The following KRR1 variants were observed in gnomAD, a reference collection of about 807,000 sequenced individuals.
KRR1 encodes the protein KRR1 small subunit processome component homolog.
A neutral mutation model predicts 50.0 loss-of-function variants in KRR1; 23 were observed. The ratio of observed to expected loss-of-function variants is 0.46; its 90% CI spans 0.33 to 0.65. KRR1 has a LOEUF of 0.65. Ranked by LOEUF, KRR1 falls within the 30% of genes least tolerant of loss-of-function variation. The pLI is 0.02. For missense variants in KRR1, 419 were observed against 442.4 expected (o/e 0.95, Z 0.47); for synonymous variants, 133 against 146.3 (o/e 0.91, Z 0.66).
intron 9 of KRR1, chr12:75,500,169 TTTATATA>T (rs2046381800): frequency 2.9e-6 from 1 of 346,474 alleles, no homozygotes; most frequent in African/African-American, 2.2e-5. Flanking sequence ...CATAAAATAC[TTTATATA>T]TTAGTACAAG....
Position 75,499,734 on chromosome 12 carries a change from A to G in KRR1, c.*75T>C, listed in dbSNP as rs2046377815. 8.3e-7 allele frequency: 1 copy of G among 1,201,970 alleles called. No homozygotes were observed. The highest frequency in any genetic ancestry group is 1.6e-5 in the African/African-American group (1 of 63,292). 74.5% of individuals were successfully genotyped at this position (1,201,970 alleles called of 1,614,324 possible). ...AAAGCCCTCAGAAAATTTCTCACAA[A>G]TAAGGCAACTAATGCCTGATATCTC... On this transcript the variant is annotated 3_prime_UTR_variant, in exon 10 of 10. Coordinates refer to ENST00000229214, the MANE Select transcript of KRR1 (RefSeq NM_007043.7).
At position 75,491,951 on chromosome 12, in the gene KRR1, C is replaced by T. The variant is rs1336758260; in HGVS notation, c.*7858G>A. On this transcript the variant is annotated 3_prime_UTR_variant, in exon 10 of 10. Transcript: ENST00000229214. ...ACATGCTCGATACTCTGACTGAGTG[C>T]TGTAGGTGTGAAGGAGGAGACAAAG... 6.6e-6 allele frequency: 1 copy of T among 152,088 alleles called. No homozygotes were observed. Among genetic ancestry groups the T allele is most frequent in the Non-Finnish European group, 1.5e-5 (1 of 68,030 alleles). The allele number at this position is 152,088 out of a possible 1,614,324, so 9.4% of individuals were successfully genotyped here. A position where few individuals can be genotyped will look rare whatever the true frequency, so the allele number is the denominator to read the frequency against.
chr12:75,504,028 G>A lies in KRR1; in HGVS notation c.707C>T (p.Ser236Leu). 6.2e-7 allele frequency: 1 copy of A among 1,612,092 alleles called. No homozygotes were observed. Among genetic ancestry groups the A allele is most frequent in the Non-Finnish European group, 8.5e-7 (1 of 1,178,764 alleles). ...TGGCAAAAATCTCTCCCAACTTTGT[G>A]ATCGTAATTCAGAATCTTTTGCCAA... ...RELAKDSELR[S>L]QSWERFLPQF... The change falls in exon 7 of 10, where the codon TCA becomes TTA. Residue 236 changes from serine to leucine, a missense_variant. Coordinates refer to ENST00000229214, the MANE Select transcript of KRR1 (RefSeq NM_007043.7).
rs1326698027 is a variant in KRR1, at chr12:75,494,932, A to G, written c.*4877T>C. ...ATAGGGTTTTTGTGAAGATTATTTC[A>G]TTCAAGGTTGTTTAGAACAAAGACA... On this transcript the variant is annotated 3_prime_UTR_variant, in exon 10 of 10. Coordinates refer to ENST00000229214, the MANE Select transcript of KRR1 (RefSeq NM_007043.7). The G allele has an allele frequency of 1.3e-5, 2 of 152,258 alleles. No individual in the cohort carries two copies. The highest frequency in any genetic ancestry group is 4.8e-5 in the African/African-American group (2 of 41,468). The allele number at this position is 152,258 out of a possible 1,614,324, so 9.4% of individuals were successfully genotyped here. A position where few individuals can be genotyped will look rare whatever the true frequency, so the allele number is the denominator to read the frequency against.
In KRR1 at chr12:75,499,684, A is replaced by G. The variant is rs980252981; in HGVS notation, c.*125T>C. ...ATTTATAAAGAACACTCTTCTATGAACAACCACCACCACCAAAAAAAAAAA... is the reference window on the plus strand; with the variant it reads ...ATTTATAAAGAACACTCTTCTATGAGCAACCACCACCACCAAAAAAAAAAA... On this transcript the variant is annotated 3_prime_UTR_variant, in exon 10 of 10. Coordinates refer to ENST00000229214, the MANE Select transcript of KRR1 (RefSeq NM_007043.7). 4 of 548,682 alleles carry G rather than the reference A, an allele frequency of 7.3e-6. No homozygotes were observed. The African/African-American group carries it at 8.1e-5, about 11-fold the overall frequency. 34.0% of individuals were successfully genotyped at this position (548,682 alleles called of 1,614,324 possible).
rs763231039 is a variant in KRR1 at position 75,505,151 on chromosome 12, A to G, written c.660+47T>C. 3.4e-6 allele frequency: 5 copies of G among 1,465,704 alleles called. No homozygotes were observed. The African/African-American group carries it at 7.3e-5, about 21-fold the overall frequency. The allele number at this position is 1,465,704 out of a possible 1,614,324, so 90.8% of individuals were successfully genotyped here. ...TTTCAAGAAAGGTTTCTGTAGCTAA[A>G]AGAAGTATGATAATCACTGGTACAG... is the stretch of plus-strand genomic sequence containing the variant. On this transcript the variant is annotated intron_variant, in intron 6 of 9. Transcript: ENST00000229214.
Position 75,498,758 on chromosome 12 carries a change from A to G in KRR1, c.*1051T>C. The G allele has an allele frequency of 6.2e-7, 1 of 1,608,212 alleles. No homozygotes were observed. The highest frequency in any genetic ancestry group is 8.5e-7 in the Non-Finnish European group (1 of 1,175,146). On this transcript the variant is annotated 3_prime_UTR_variant, in exon 10 of 10. Coordinates refer to ENST00000229214, the MANE Select transcript of KRR1 (RefSeq NM_007043.7). ...ATCTTAAATTGTTTCATTAAGAGCT[A>G]TGTGAATTCTGTCAGTGCATTATGA...
At chr12:75,501,492 C>T (rs2046393675) in intron 9 of KRR1, 2 of 449,660 alleles carry the variant, frequency 4.4e-6, no homozygotes, top group Non-Finnish European at 7.9e-6. Flanking sequence ...TTTCCAAGCA[C>T]AGACCAGAGG....
Position 75,505,256 on chromosome 12 carries a change from T to TCTTTTAAGCCACTAAAAGGTCCAATG in KRR1, c.604-3_604-2insCATTGGACCTTTTAGTGGCTTAAAAG. On this transcript the variant is annotated splice_polypyrimidine_tract_variant and splice_region_variant and intron_variant, in intron 5 of 9. Coordinates refer to ENST00000229214, the MANE Select transcript of KRR1 (RefSeq NM_007043.7). ...AGTATCAAGGACTACTTTTCTAACC[T>TCTTTTAAGCCACTAAAAGGTCCAATG]GAAATTTGCAAAGAAAAATGAATTA... 3.2e-6 allele frequency: 5 copies of TCTTTTAAGCCACTAAAAGGTCCAATG among 1,572,888 alleles called. No individual in the cohort carries two copies. The Admixed American group carries it at 9.5e-5, about 30-fold the overall frequency.
intron 3 of KRR1, 68 bp downstream of exon 3, chr12:75,506,714 T>C: frequency 3.8e-6 from 6 of 1,558,694 alleles, no homozygotes; most frequent in Non-Finnish European, 4.3e-6. Flanking sequence ...ATATGAAAAC[T>C]TGATGGTGGG....
chr12:75,506,707 T>C, intron 3 of KRR1, 75 bp downstream of exon 3: 2 of 1,555,116 alleles, frequency 1.3e-6, no homozygotes, highest in Non-Finnish European at 1.7e-6. Flanking sequence ...AGCACAAATA[T>C]GAAAACTTGA....
intron 1 of KRR1, among the ~76,000 whole-genome samples, chr12:75,509,495 C>A (rs2046436881): frequency 1.3e-5 from 2 of 151,786 alleles, no homozygotes; most frequent in South Asian, 4.2e-4. Flanking sequence ...AAATCACAGA[C>A]AATTGGCTAG....
rs1291837325 is a variant in KRR1 at position 75,491,834 on chromosome 12, T to C, written c.*7975A>G. ...TAAAGGTTTTTAACCATTTGCAATATATATAATGATCTTTAATTTGTTGCC... is the reference window on the plus strand; with the variant it reads ...TAAAGGTTTTTAACCATTTGCAATACATATAATGATCTTTAATTTGTTGCC... On this transcript the variant is annotated 3_prime_UTR_variant, in exon 10 of 10. Transcript: ENST00000229214. The C allele has an allele frequency of 6.6e-6, 1 of 152,180 alleles. No homozygotes were observed. Among genetic ancestry groups the C allele is most frequent in the Non-Finnish European group, 1.5e-5 (1 of 68,034 alleles). The allele number at this position is 152,180 out of a possible 1,614,324, so 9.4% of individuals were successfully genotyped here.
At chr12:75,502,279 A>G (rs2046399591) in intron 7 of KRR1, 3 of 279,670 alleles carry the variant, frequency 1.1e-5, no homozygotes, top group African/African-American at 2.2e-5. Context: ...AACTGGAGAG[A>G]GAGTTTTGGG....
chr12:75,499,934 T>C lies in KRR1; in HGVS notation c.1021A>G (p.Ile341Val). The C allele has an allele frequency of 6.2e-7, 1 of 1,601,602 alleles. No individual in the cohort carries two copies. Among genetic ancestry groups the C allele is most frequent in the African/African-American group, 1.3e-5 (1 of 74,156 alleles). ...TTTTCCTTGATGCTGGCCACATCAA[T>C]TTTAGTTTCAGTAGAAGCTAGACAA... ...KPKEASTETK[I>V]DVASIKEKVK... The change falls in exon 10 of 10, where the codon ATT becomes GTT. Residue 341 changes from isoleucine (I) to valine (V), a missense_variant. Transcript: ENST00000229214.
Position 75,497,206 on chromosome 12 carries a change from T to C in KRR1, c.*2603A>G, listed in dbSNP as rs1282032738. 6.6e-6 allele frequency: 1 copy of C among 152,148 alleles called. No individual in the cohort carries two copies. The highest frequency in any genetic ancestry group is 1.5e-5 in the Non-Finnish European group (1 of 68,028). The allele number at this position is 152,148 out of a possible 1,614,324, so 9.4% of individuals were successfully genotyped here. On this transcript the variant is annotated 3_prime_UTR_variant, in exon 10 of 10. Transcript: ENST00000229214. ...GAAACAACCCAGTGAAAAAAATGTT[T>C]CCCTTTAAAAATCTAGGCAATTAGT...
intron 8 of KRR1, 24 bp from the exon 9 acceptor site, chr12:75,501,840 A>G (rs1194825623): frequency 6.4e-7 from 1 of 1,567,914 alleles, no homozygotes; most frequent in South Asian, 1.1e-5. Context: ...TAAAAAATAT[A>G]TCAGTTAAAT....
rs2046355648 is a variant in KRR1 at position 75,496,985 on chromosome 12, A to T, written c.*2824T>A. ...TGTAGCCACAATGCAGATAATATCA[A>T]GGTATCAATGTATTCACTGAATTCT... On this transcript the variant is annotated 3_prime_UTR_variant, in exon 10 of 10. Coordinates refer to ENST00000229214, the MANE Select transcript of KRR1 (RefSeq NM_007043.7). The T allele has an allele frequency of 6.6e-6, 1 of 152,222 alleles. No homozygotes were observed. The highest frequency in any genetic ancestry group is 2.4e-5 in the African/African-American group (1 of 41,466). 9.4% of individuals were successfully genotyped at this position (152,222 alleles called of 1,614,324 possible). A position where few individuals can be genotyped will look rare whatever the true frequency, so the allele number is the denominator to read the frequency against.
chr12:75,495,594 G>A lies in KRR1; in HGVS notation c.*4215C>T. 6.2e-7 allele frequency: 1 copy of A among 1,605,120 alleles called. No individual in the cohort carries two copies. The highest frequency in any genetic ancestry group is 1.1e-5 in the South Asian group (1 of 90,888). On this transcript the variant is annotated 3_prime_UTR_variant, in exon 10 of 10. Transcript: ENST00000229214. ...CTTTACAGAGGGAATTACCCAACTT[G>A]GCCATATAAGAGAGGAGCCACCTGC...
Sources: allele counts gnomAD v4.1 joint callset (sites outside exome capture counted in the v4.1 genomes callset), GRCh38; gene constraint gnomAD v4.1.1; transcripts MANE v1.5; gene names NCBI Gene and HGNC (gene_info 2026-07-23, HGNC 2026-07-21).